The following SORCS2 variants were observed in gnomAD, a reference collection of about 807,000 sequenced individuals.
The protein encoded by SORCS2 is VPS10 domain-containing receptor SorCS2.
SORCS2 carries 100 observed loss-of-function variants against 141.6 expected under a neutral mutation model. That is an observed-to-expected ratio of 0.71 (90% confidence interval 0.60 to 0.83). The LOEUF (loss-of-function observed/expected upper bound fraction) is 0.83, where lower values mean the gene tolerates loss of function less well. SORCS2 is among the 40% of genes least tolerant of loss of function. The pLI is 0.00. For synonymous variants in SORCS2, 789 were observed against 676.9 expected (o/e 1.17, Z -2.57); for missense variants, 1,646 against 1,560.2 (o/e 1.05, Z -0.93).
chr4:7,295,710 A>T (rs964393292), intron 1 of SORCS2, among the ~76,000 whole-genome samples: 2 of 152,184 alleles, frequency 1.3e-5, no homozygotes, highest in African/African-American at 4.8e-5. Flanking sequence ...TATTGTTGCC[A>T]CCATGTGGGG....
chr4:7,533,736 C>T (rs548001034), intron 3 of SORCS2, among the ~76,000 whole-genome samples: 9 of 152,332 alleles, frequency 5.9e-5, no homozygotes, highest in African/African-American at 2.2e-4. Context: ...CTGGGTCAGA[C>T]AGTGTGAGGT....
intron 2 of SORCS2, among the ~76,000 whole-genome samples, chr4:7,405,081 A>G (rs1241766095): frequency 2.0e-5 from 3 of 151,980 alleles, no homozygotes; most frequent in Non-Finnish European, 4.4e-5. Flanking sequence ...AGGACAATTC[A>G]TTTTTCCCAG....
At chr4:7,703,772 C>G (rs1031521605) in intron 13 of SORCS2, among the ~76,000 whole-genome samples, 1 of 152,194 alleles carries the variant, frequency 6.6e-6, no homozygotes, top group Admixed American at 6.5e-5. Context: ...GGCGTGAACT[C>G]GGGACCCAGA....
chr4:7,447,798 G>A (rs140207966), intron 2 of SORCS2, among the ~76,000 whole-genome samples: 35 of 152,264 alleles, frequency 2.3e-4, no homozygotes, highest in African/African-American at 8.4e-4. Flanking sequence ...GGATGGAACG[G>A]AGCCTGTGCA....
At position 7,350,386 on chromosome 4, in the gene SORCS2, T is replaced by C. The variant is rs1720869763; in HGVS notation, c.481-45902T>C. On this transcript the variant is annotated intron_variant, in intron 1 of 26. Transcript: ENST00000507866. ...CATCAGATATAATTTTGAAGACCAG[T>C]GTGGAACAGAACTTAGCAATACATA... Among the ~76,000 whole-genome samples, 4 of 152,336 alleles carry C rather than the reference T, an allele frequency of 2.6e-5. No individual in the cohort carries two copies. In the South Asian group the frequency reaches 8.3e-4, roughly 32 times the overall value.
intron 2 of SORCS2, among the ~76,000 whole-genome samples, chr4:7,400,396 G>T (rs1407629289): frequency 6.6e-6 from 1 of 152,160 alleles, no homozygotes; most frequent in Non-Finnish European, 1.5e-5. Context: ...TCAGTGCAAA[G>T]AGGCCCCCAG....
At chr4:7,288,795 G>GC (rs1249883334) in intron 1 of SORCS2, among the ~76,000 whole-genome samples, 1 of 126,786 alleles carries the variant, frequency 7.9e-6, no homozygotes, top group African/African-American at 2.7e-5. Flanking sequence ...GTGGGGTGGG[G>GC]GGGGGAGTTG....
intron 1 of SORCS2, among the ~76,000 whole-genome samples, chr4:7,214,729 G>T (rs1728224776): frequency 6.6e-6 from 1 of 152,226 alleles, no homozygotes; most frequent in African/African-American, 2.4e-5. Context: ...GGCATATCTG[G>T]TTTCTGCAGA....
In SORCS2 at chr4:7,726,845, G is replaced by T; in HGVS notation, c.2811G>T (p.Thr937=). 3.1e-6 allele frequency: 5 copies of T among 1,613,882 alleles called. No homozygotes were observed. The highest frequency in any genetic ancestry group is 4.2e-6 in the Non-Finnish European group (5 of 1,179,848). Residue 937 remains threonine (T), a synonymous_variant, in exon 21 of 27, where the codon ACG becomes ACT. Coordinates refer to ENST00000507866, the MANE Select transcript of SORCS2 (RefSeq NM_020777.3). The part of the protein sequence containing the change: ...RFSDTGDVRV[T]VQAACGNSVL... ...CGGACACGGGCGACGTGCGTGTGAC[G>T]GTGCAGGCCGCCTGTGGGAACTCGG...
chr4:7,362,752 T>A (rs1376637220), intron 1 of SORCS2, among the ~76,000 whole-genome samples: 1 of 151,208 alleles, frequency 6.6e-6, no homozygotes, highest in Non-Finnish European at 1.5e-5. Flanking sequence ...ACCACTAACA[T>A]CACCACCTCC....
At chr4:7,702,453 C>T (rs977027425) in intron 12 of SORCS2, among the ~76,000 whole-genome samples, 29 of 152,336 alleles carry the variant, frequency 1.9e-4, no homozygotes, top group African/African-American at 7.0e-4. Context: ...GAGGCCTTAG[C>T]ATACCCTCCA....
intron 3 of SORCS2, among the ~76,000 whole-genome samples, chr4:7,630,299 C>T (rs1376450862): frequency 1.3e-5 from 2 of 152,086 alleles, no homozygotes; most frequent in Non-Finnish European, 2.9e-5. Flanking sequence ...CCTAAAGGGC[C>T]CCAGCAGGAA....
At chr4:7,365,799 G>A (rs556392403) in intron 1 of SORCS2, among the ~76,000 whole-genome samples, 1 of 152,296 alleles carries the variant, frequency 6.6e-6, no homozygotes, top group African/African-American at 2.4e-5. Context: ...ATTTTGCTGA[G>A]CCTCCTTGAG....
At chr4:7,442,381 A>C (rs1198237619) in intron 2 of SORCS2, among the ~76,000 whole-genome samples, 1 of 8,802 alleles carries the variant, frequency 1.1e-4, no homozygotes, top group Admixed American at 1.3e-3. Flanking sequence ...ACCTCCTCTC[A>C]CAGCCCAGGT....
intron 12 of SORCS2, among the ~76,000 whole-genome samples, chr4:7,701,095 C>G (rs1327619990): frequency 6.6e-6 from 1 of 152,154 alleles, no homozygotes. Context: ...CAGGGAGGGG[C>G]TTAATCCTTC....
In SORCS2 at chr4:7,327,335, A is replaced by C. The variant is rs372636996; in HGVS notation, c.481-68953A>C. On this transcript the variant is annotated intron_variant, in intron 1 of 26. Coordinates refer to ENST00000507866, the MANE Select transcript of SORCS2 (RefSeq NM_020777.3). ...CGAGGCTCTGTGCTCCTCGGCTTGC[A>C]CCACATCCCTCCGTCTGGCTCTGTC... is the stretch of plus-strand genomic sequence containing the variant. Among the ~76,000 whole-genome samples, 496 of 152,094 alleles carry C rather than the reference A, an allele frequency of 3.3e-3. 2 individuals are homozygous for C. Among genetic ancestry groups the C allele is most frequent in the African/African-American group, 0.011 (463 of 41,482 alleles).
chr4:7,495,474 G>A (rs1329506702), intron 2 of SORCS2, among the ~76,000 whole-genome samples: 1 of 152,204 alleles, frequency 6.6e-6, no homozygotes, highest in African/African-American at 2.4e-5. Flanking sequence ...ATCCATCAGT[G>A]AGAACAGAGC....
chr4:7,530,975 C>A (rs1409456142), intron 2 of SORCS2, among the ~76,000 whole-genome samples: 1 of 152,174 alleles, frequency 6.6e-6, no homozygotes, highest in African/African-American at 2.4e-5. Context: ...GGTCTCCTAC[C>A]ATCCTGTGCT....
chr4:7,338,200 TGTTG>T (rs1720123968), intron 1 of SORCS2, among the ~76,000 whole-genome samples: 1 of 146,320 alleles, frequency 6.8e-6, no homozygotes, highest in Admixed American at 6.8e-5. Flanking sequence ...GTTGGATGGA[TGTTG>T]GTTGGATGGA....
Sources: gnomAD v4.1 joint callset for allele counts (sites outside exome capture counted in the v4.1 genomes callset) on GRCh38, gnomAD v4.1.1 for gene constraint, MANE v1.5 for transcripts, NCBI Gene and HGNC (gene_info 2026-07-23, HGNC 2026-07-21) for gene names.